Variants in AHRR observed in about 807,000 individuals in gnomAD.
AHRR encodes the protein aryl hydrocarbon receptor repressor.
AHRR carries 28 observed loss-of-function variants against 44.0 expected under a neutral mutation model. That is an observed-to-expected ratio of 0.64 (90% CI 0.47 to 0.87). The LOEUF is 0.87. Among genes scored for constraint, AHRR ranks in the 40% least tolerant of loss-of-function variants. The pLI is 0.00. For synonymous variants in AHRR, 434 were observed against 407.0 expected (o/e 1.07, Z -0.80); for missense variants, 990 against 953.9 (o/e 1.04, Z -0.50).
rs367858917 is a variant in AHRR, at chr5:423,990, G to A, written c.708+13G>A. 7 of 1,592,902 alleles carry A rather than the reference G, an allele frequency of 4.4e-6. No individual in the cohort carries two copies. In the African/African-American group the frequency reaches 6.7e-5, roughly 15 times the overall value. Reference sequence around the variant, plus strand: ...CTCGGGCTTCCTGGTGAGTGCGTGGGTCCCTGGCAGGGGGCTCCCGACATC... The same window carrying A: ...CTCGGGCTTCCTGGTGAGTGCGTGGATCCCTGGCAGGGGGCTCCCGACATC... On this transcript the variant is annotated intron_variant, in intron 7 of 10. Transcript: ENST00000684583.
chr5:340,293 T>G (rs887029122), intron 1 of AHRR, among the ~76,000 whole-genome samples: 3 of 152,110 alleles, frequency 2.0e-5, no homozygotes, highest in African/African-American at 7.2e-5. Context: ...TGGGATAGTA[T>G]TTGTCTTACT....
chr5:408,313 A>G (rs1332978667), intron 4 of AHRR, among the ~76,000 whole-genome samples: 1 of 151,968 alleles, frequency 6.6e-6, no homozygotes, highest in Admixed American at 6.5e-5. Context: ...TCGCTGCCTT[A>G]GGAATGAGGT....
intron 4 of AHRR, among the ~76,000 whole-genome samples, chr5:393,969 G>A (rs922800261): frequency 6.6e-5 from 10 of 152,288 alleles, no homozygotes; most frequent in African/African-American, 2.2e-4. Flanking sequence ...GTTTTGTGGC[G>A]ACGTGTCCTC....
chr5:350,899 TCAAAAA>T (rs1257908722), intron 2 of AHRR, among the ~76,000 whole-genome samples: 2 of 150,934 alleles, frequency 1.3e-5, no homozygotes, highest in African/African-American at 2.4e-5. Context: ...TCCTCACAAC[TCAAAAA>T]CAAAAAGAAA....
intron 7 of AHRR, among the ~76,000 whole-genome samples, chr5:426,789 G>A (rs1579707624): frequency 1.3e-5 from 2 of 150,476 alleles, no homozygotes. Flanking sequence ...TGAATGGATA[G>A]GAAGATGGAT....
intron 4 of AHRR, among the ~76,000 whole-genome samples, chr5:384,669 G>T (rs1284344005): frequency 2.6e-5 from 4 of 152,114 alleles, no homozygotes; most frequent in Admixed American, 6.5e-5. Flanking sequence ...TGATCTGCCT[G>T]CCTAGGCCTT....
chr5:434,008 C>A lies in AHRR; in HGVS notation c.1268C>A (p.Pro423Gln). Residue 423 changes from proline (P) to glutamine (Q), a missense_variant, in exon 11 of 11, where the codon CCG (proline) becomes CAG (glutamine). Coordinates refer to ENST00000684583, the MANE Select transcript of AHRR (RefSeq NM_001377236.1). ...AGGCTGCAGCCCAGCAAGAATGACC[C>A]GCCCTCCCTGCGCCCCATGCCCCGC... Reference protein sequence around the residue: ...RPRLQPSKNDPPSLRPMPRGS... With the variant: ...RPRLQPSKNDQPSLRPMPRGS... 1 of 1,580,338 alleles carries A rather than the reference C, an allele frequency of 6.3e-7. No homozygotes were observed. Among genetic ancestry groups the A allele is most frequent in the South Asian group, 1.2e-5 (1 of 84,312 alleles).
rs1465750744 is a variant in AHRR, at chr5:406,922, G to A, written c.352-6422G>A. 1.3e-5 allele frequency among the ~76,000 whole-genome samples: 2 copies of A among 152,152 alleles called. No homozygotes were observed. Among genetic ancestry groups the A allele is most frequent in the Non-Finnish European group, 2.9e-5 (2 of 68,034 alleles). On this transcript the variant is annotated intron_variant, in intron 4 of 10. Transcript: ENST00000684583. The surrounding 1 kb of genome is among the most constrained non-coding windows in gnomAD (Gnocchi z 4.7). Reference sequence around the variant, plus strand: ...AATAATAACAAAGTTTCTTAATAGGGCACCAGTTATTGAAAAGCCTATCTC... The same window carrying A: ...AATAATAACAAAGTTTCTTAATAGGACACCAGTTATTGAAAAGCCTATCTC...
At chr5:362,547 CAA>C (rs1743219535) in intron 3 of AHRR, among the ~76,000 whole-genome samples, 1 of 152,152 alleles carries the variant, frequency 6.6e-6, no homozygotes, top group African/African-American at 2.4e-5. Flanking sequence ...GCATTTCCTG[CAA>C]AGACTCACAA....
rs746290276 is a variant in AHRR, at chr5:427,936, G to A, written c.838G>A (p.Glu280Lys). 1.2e-6 allele frequency: 2 copies of A among 1,614,072 alleles called. No individual in the cohort carries two copies. Among genetic ancestry groups the A allele is most frequent in the East Asian group, 4.5e-5 (2 of 44,886 alleles). ...ACCCGTTCTCCTCCCCTCCGCAGCGGAGATGAAAATGAGGAGCGCGCTCCT... is the reference window on the plus strand; with the variant it reads ...ACCCGTTCTCCTCCCCTCCGCAGCGAAGATGAAAATGAGGAGCGCGCTCCT... ...AAPVLLPSAA[E>K]MKMRSALLRA... The change falls in exon 8 of 11, where the codon GAG becomes AAG. Residue 280 changes from glutamate to lysine, a missense_variant. Transcript: ENST00000684583.
At chr5:384,075 C>T (rs1403029735) in intron 4 of AHRR, among the ~76,000 whole-genome samples, 1 of 151,836 alleles carries the variant, frequency 6.6e-6, no homozygotes, top group Admixed American at 6.6e-5. Flanking sequence ...ATGTAAAATG[C>T]CTCCTTATTC....
chr5:359,515 G>T (rs1743098851), intron 3 of AHRR, among the ~76,000 whole-genome samples: 1 of 152,200 alleles, frequency 6.6e-6, no homozygotes, highest in East Asian at 1.9e-4. Flanking sequence ...GTAGAGAAGT[G>T]TGGAGTAGAT....
chr5:375,086 C>G lies in AHRR; in HGVS notation c.245-1524C>G, dbSNP rs536325025. ...CAGGAGGATTCCTGGGAGCAGGAGC[C>G]AGTGACCCACAATGAGGTTCAGGCC... On this transcript the variant is annotated intron_variant, in intron 3 of 10. Transcript: ENST00000684583. 2.6e-5 allele frequency among the ~76,000 whole-genome samples: 4 copies of G among 152,254 alleles called. No homozygotes were observed. In the South Asian group the frequency reaches 8.3e-4, roughly 32 times the overall value.
chr5:403,089 C>A (rs1349225373), intron 4 of AHRR, among the ~76,000 whole-genome samples: 1 of 152,166 alleles, frequency 6.6e-6, no homozygotes, highest in Non-Finnish European at 1.5e-5. Flanking sequence ...TGGCTCGGAT[C>A]CACCTTGACG....
At chr5:400,485 A>G (rs555458178) in intron 4 of AHRR, among the ~76,000 whole-genome samples, 1 of 151,926 alleles carries the variant, frequency 6.6e-6, no homozygotes, top group Non-Finnish European at 1.5e-5. Flanking sequence ...CCTTAAAAAA[A>G]GTAGAGCCTT....
chr5:374,530 G>A (rs536687548), intron 3 of AHRR, among the ~76,000 whole-genome samples: 1 of 152,314 alleles, frequency 6.6e-6, no homozygotes, highest in African/African-American at 2.4e-5. Flanking sequence ...ATGCTTCCTC[G>A]GAATAGTCCT....
chr5:426,106 A>G (rs1736375453), intron 7 of AHRR, among the ~76,000 whole-genome samples: 1 of 152,274 alleles, frequency 6.6e-6, no homozygotes, highest in South Asian at 2.1e-4. Flanking sequence ...GCTAGATGTT[A>G]AACATTTCCC....
intron 4 of AHRR, among the ~76,000 whole-genome samples, chr5:398,145 C>T (rs1167365502): frequency 2.9e-5 from 4 of 135,882 alleles, no homozygotes; most frequent in East Asian, 2.1e-4. Context: ...CCATGTTAGC[C>T]CCTGACCATC....
intron 5 of AHRR, among the ~76,000 whole-genome samples, chr5:422,069 G>A (rs529235327): frequency 9.8e-5 from 15 of 152,290 alleles, no homozygotes; most frequent in Admixed American, 3.9e-4. Context: ...AGAAGGGAGA[G>A]GACGGTGGGA....
Sources: allele counts gnomAD v4.1 joint callset (sites outside exome capture counted in the v4.1 genomes callset), GRCh38; gene constraint gnomAD v4.1.1; non-coding constraint Gnocchi (gnomAD v3.1); transcripts MANE v1.5; gene names NCBI Gene and HGNC (gene_info 2026-07-23, HGNC 2026-07-21).